Variants in HMCN1 observed in about 807,000 individuals in gnomAD.
HMCN1 encodes the protein hemicentin-1.
In HMCN1, 321 loss-of-function variants were observed where a neutral mutation model predicts 625.9. That is an observed-to-expected ratio of 0.51 (90% CI 0.47 to 0.56). HMCN1 has a LOEUF of 0.56. Among genes scored for constraint, HMCN1 ranks in the 20% least tolerant of loss-of-function variants. The pLI is 0.00. For missense variants in HMCN1, 6,588 were observed against 6,887.3 expected (o/e 0.96, Z 1.54); for synonymous variants, 2,425 against 2,417.6 (o/e 1.00, Z -0.09).
At chr1:185,832,832 G>A (rs1660946629) in intron 1 of HMCN1, among the ~76,000 whole-genome samples, 1 of 152,116 alleles carries the variant, frequency 6.6e-6, no homozygotes, top group African/African-American at 2.4e-5. Context: ...CAAACTGGAG[G>A]AAAGTTTTTG....
At chr1:185,989,449 A>G (rs752055564) in intron 20 of HMCN1, 39 bp from the exon 21 acceptor site, 5 of 1,610,900 alleles carry the variant, frequency 3.1e-6, no homozygotes, top group African/African-American at 1.4e-5. Flanking sequence ...AAACAAACAA[A>G]CAAACAAAAA....
intron 14 of HMCN1, among the ~76,000 whole-genome samples, chr1:185,968,835 G>A (rs949259341): frequency 6.6e-6 from 1 of 151,952 alleles, no homozygotes; most frequent in African/African-American, 2.4e-5. Flanking sequence ...CCATCTGAAA[G>A]GTTCTGTATT....
intron 1 of HMCN1, among the ~76,000 whole-genome samples, chr1:185,766,582 T>A (rs1655888777): frequency 6.6e-6 from 1 of 152,028 alleles, no homozygotes; most frequent in South Asian, 2.1e-4. Flanking sequence ...TTTGAGAAGT[T>A]TTAGCCAATC....
chr1:185,799,113 G>A (rs919435223), intron 1 of HMCN1, among the ~76,000 whole-genome samples: 1 of 152,086 alleles, frequency 6.6e-6, no homozygotes, highest in Non-Finnish European at 1.5e-5. Flanking sequence ...GGGTGCTTTT[G>A]GTGGCAAAGT....
At chr1:185,989,802 G>A (rs1306017235) in intron 21 of HMCN1, among the ~76,000 whole-genome samples, 155 bp downstream of exon 21, 1 of 137,040 alleles carries the variant, frequency 7.3e-6, no homozygotes, top group Non-Finnish European at 1.6e-5. Flanking sequence ...TTACAGAAAT[G>A]CATTTTTTAC....
At chr1:185,851,377 T>C (rs986153936) in intron 2 of HMCN1, among the ~76,000 whole-genome samples, 4 of 152,174 alleles carry the variant, frequency 2.6e-5, no homozygotes, top group Non-Finnish European at 4.4e-5. Flanking sequence ...AGAGCAGGCT[T>C]GGCTATTTTT....
At chr1:185,894,519 G>A (rs1191248006) in intron 4 of HMCN1, among the ~76,000 whole-genome samples, 1 of 152,126 alleles carries the variant, frequency 6.6e-6, no homozygotes, top group Non-Finnish European at 1.5e-5. Flanking sequence ...TCTAGAAGTG[G>A]GAAAGATGGA....
intron 75 of HMCN1, among the ~76,000 whole-genome samples, chr1:186,115,787 A>T (rs966697912): frequency 5.3e-5 from 8 of 152,072 alleles, no homozygotes; most frequent in African/African-American, 1.2e-4. Context: ...TAAAAGTCAA[A>T]TTTTATACCT....
chr1:186,179,833 C>G (rs1652832840), intron 104 of HMCN1, among the ~76,000 whole-genome samples: 1 of 152,110 alleles, frequency 6.6e-6, no homozygotes, highest in Admixed American at 6.6e-5. Context: ...AGATGGACTT[C>G]TTGGTCAACC....
At chr1:185,892,119 T>A (rs1665137905) in intron 4 of HMCN1, among the ~76,000 whole-genome samples, 2 of 149,402 alleles carry the variant, frequency 1.3e-5, no homozygotes, top group Admixed American at 1.3e-4. Context: ...CTGAGGCTTC[T>A]GCATTCTTCA....
At chr1:186,082,783 ATTAT>A (rs555460521) in intron 56 of HMCN1, 78 bp from the exon 57 acceptor site, 227 of 673,590 alleles carry the variant, frequency 3.4e-4, no homozygotes, top group East Asian at 1.6e-3. Context: ...AATAATATAT[ATTAT>A]TTATTCTAAA....
chr1:185,997,170 T>C (rs1652848657), intron 24 of HMCN1, among the ~76,000 whole-genome samples: 2 of 152,110 alleles, frequency 1.3e-5, no homozygotes, highest in South Asian at 2.1e-4. Flanking sequence ...GGGTGGACCA[T>C]AGTGCCTTCA....
intron 4 of HMCN1, among the ~76,000 whole-genome samples, chr1:185,876,246 AC>A (rs1475914357): frequency 2.0e-5 from 3 of 151,742 alleles, no homozygotes; most frequent in Non-Finnish European, 4.4e-5. Context: ...ACATGATTTC[AC>A]TCTTTTTTTA....
chr1:185,800,704 T>C (rs1487868846), intron 1 of HMCN1, among the ~76,000 whole-genome samples: 1 of 152,110 alleles, frequency 6.6e-6, no homozygotes, highest in East Asian at 1.9e-4. Flanking sequence ...AGTATTTGAA[T>C]TAACCATACC....
intron 1 of HMCN1, among the ~76,000 whole-genome samples, chr1:185,808,851 C>A (rs1008889828): frequency 6.6e-6 from 1 of 152,000 alleles, no homozygotes; most frequent in Non-Finnish European, 1.5e-5. Context: ...GATCTTTGGG[C>A]AACTCTTACA....
Position 186,120,115 on chromosome 1 carries a change from G to A in HMCN1, c.12199G>A (p.Ala4067Thr), listed in dbSNP as rs746167451. 3 of 1,613,958 alleles carry A rather than the reference G, an allele frequency of 1.9e-6. No homozygotes were observed. Among genetic ancestry groups the A allele is most frequent in the Non-Finnish European group, 2.5e-6 (3 of 1,179,946 alleles). The part of the protein sequence containing the change: ...MCVAQNPAGT[A>T]LGKIKLNVQV... ...TGTGGCCCAGAACCCGGCTGGTACAGCCTTGGGCAAAATCAAGTTAAATGT... is the reference window on the plus strand; with the variant it reads ...TGTGGCCCAGAACCCGGCTGGTACAACCTTGGGCAAAATCAAGTTAAATGT... Residue 4067 changes from alanine (A) to threonine (T), a missense_variant, in exon 80 of 107, where the codon GCC (alanine) becomes ACC (threonine). Ala to Thr is a moderately conservative substitution (Grantham distance 58). Coordinates refer to ENST00000271588, the MANE Select transcript of HMCN1 (RefSeq NM_031935.3).
chr1:186,130,409 C>T, intron 84 of HMCN1, 98 bp from the exon 85 acceptor site: 2 of 1,232,866 alleles, frequency 1.6e-6, no homozygotes, highest in Non-Finnish European at 2.4e-6. Flanking sequence ...TGGCTTTACT[C>T]CCCTCTTTAC....
At chr1:185,821,075 C>T (rs1213098461) in intron 1 of HMCN1, among the ~76,000 whole-genome samples, 2 of 151,202 alleles carry the variant, frequency 1.3e-5, no homozygotes, top group Non-Finnish European at 2.9e-5. Context: ...GCTTATAAGT[C>T]ACAGGATGTA....
intron 57 of HMCN1, 129 bp downstream of exon 57, chr1:186,083,090 T>A (rs1033299932): frequency 9.5e-6 from 4 of 421,656 alleles, no homozygotes; most frequent in African/African-American, 6.2e-5. Context: ...ACTCATTCAA[T>A]CCCCTCTCTT....
Sources: allele counts gnomAD v4.1 joint callset (sites outside exome capture counted in the v4.1 genomes callset), GRCh38; gene constraint gnomAD v4.1.1; transcripts MANE v1.5; gene names NCBI Gene and HGNC (gene_info 2026-07-23, HGNC 2026-07-21).